DDHD1: variants seen among roughly 807,000 people sequenced by gnomAD.
The protein encoded by DDHD1 is phospholipase DDHD1.
Under a neutral mutation model 96.4 loss-of-function variants are expected in DDHD1, and 49 were observed. The ratio of observed to expected loss-of-function variants is 0.51; its 90% CI spans 0.40 to 0.64. The LOEUF is 0.64. Ranked by LOEUF, DDHD1 falls within the 30% of genes least tolerant of loss-of-function variation. DDHD1 has a pLI of 0.00. For synonymous variants in DDHD1, 442 were observed against 446.5 expected, an observed-to-expected ratio of 0.99 and a Z score of 0.13; for missense variants, 1,106 against 1,161.2, an observed-to-expected ratio of 0.95 and a Z score of 0.69.
chr14:53,042,956 A>C lies in DDHD1; in HGVS notation c.*3812T>G, dbSNP rs1196740400. 1 of 152,228 alleles carries C rather than the reference A, an allele frequency of 6.6e-6. No homozygotes were observed. Among genetic ancestry groups the C allele is most frequent in the African/African-American group, 2.4e-5 (1 of 41,454 alleles). The allele number at this position is 152,228 out of a possible 1,614,324, so 9.4% of individuals were successfully genotyped here. ...TGCCTTACTCATTAATTAGCTGAGA[A>C]GATAGAAATACCAATCTAATGGATC... is the stretch of plus-strand genomic sequence containing the variant. On this transcript the variant is annotated 3_prime_UTR_variant, in exon 13 of 13. Coordinates refer to ENST00000673822, the MANE Select transcript of DDHD1 (RefSeq NM_001160148.2).
chr14:53,048,957 C>T (rs1882288408), intron 12 of DDHD1: 1 of 152,086 alleles, frequency 6.6e-6, no homozygotes, highest in Non-Finnish European at 1.5e-5. Flanking sequence ...TTTCAAATGC[C>T]ACTTCATAAT....
intron 1 of DDHD1, among the ~76,000 whole-genome samples, chr14:53,112,771 C>T (rs1236490807): frequency 6.6e-6 from 1 of 152,104 alleles, no homozygotes; most frequent in African/African-American, 2.4e-5. Context: ...GTGGAGCCTA[C>T]ACATTCTTTA....
At chr14:53,129,823 T>C (rs1247846540) in intron 1 of DDHD1, among the ~76,000 whole-genome samples, 1 of 152,168 alleles carries the variant, frequency 6.6e-6, no homozygotes, top group Non-Finnish European at 1.5e-5. Flanking sequence ...ACAAACTTGA[T>C]AATGGCTCTA....
intron 1 of DDHD1, among the ~76,000 whole-genome samples, chr14:53,135,238 C>A (rs1890146285): frequency 6.6e-6 from 1 of 152,186 alleles, no homozygotes; most frequent in Admixed American, 6.5e-5. Flanking sequence ...CCATTGTGAT[C>A]TTTTCCTGCC....
At position 53,152,258 on chromosome 14, in the gene DDHD1, C is replaced by T. The variant is rs1891452625; in HGVS notation, c.838+3G>A. The T allele has an allele frequency of 6.3e-7, 1 of 1,596,510 alleles. No homozygotes were observed. Among genetic ancestry groups the T allele is most frequent in the African/African-American group, 1.3e-5 (1 of 74,700 alleles). ...CCTGCCCTAACCCCGGCCCGCTACT[C>T]ACGGTTCCAGTACACCGGGTAGCAC... On this transcript the variant is annotated splice_donor_region_variant and intron_variant, in intron 1 of 12. Coordinates refer to ENST00000673822, the MANE Select transcript of DDHD1 (RefSeq NM_001160148.2).
chr14:53,059,988 T>C (rs182039807), intron 8 of DDHD1, among the ~76,000 whole-genome samples: 1 of 152,028 alleles, frequency 6.6e-6, no homozygotes, highest in Admixed American at 6.5e-5. Context: ...TACCATATTG[T>C]TTTACAATGT....
intron 2 of DDHD1, among the ~76,000 whole-genome samples, chr14:53,096,756 T>C: frequency 1.3e-5 from 2 of 152,042 alleles, no homozygotes; most frequent in South Asian, 4.1e-4. Flanking sequence ...TTTTCTCAAC[T>C]CCATTCAAGT....
At chr14:53,099,936 GT>G (rs984785280) in intron 2 of DDHD1, among the ~76,000 whole-genome samples, 9 of 151,550 alleles carry the variant, frequency 5.9e-5, no homozygotes, top group Non-Finnish European at 1.0e-4. Flanking sequence ...AAATTTTCAT[GT>G]TTTTTTTAAT....
chr14:53,148,944 C>T (rs1183406728), intron 1 of DDHD1, among the ~76,000 whole-genome samples: 1 of 152,202 alleles, frequency 6.6e-6, no homozygotes, highest in Non-Finnish European at 1.5e-5. Context: ...GAAGTGAGTA[C>T]AAACAGGAAG....
chr14:53,103,602 G>A (rs1017984075), intron 2 of DDHD1, 81 bp downstream of exon 2: 4 of 1,158,034 alleles, frequency 3.5e-6, no homozygotes, highest in Non-Finnish European at 4.6e-6. Flanking sequence ...GAATTATTAT[G>A]TCAAATTTAC....
chr14:53,061,312 C>T, intron 7 of DDHD1, 111 bp from the exon 8 acceptor site: 2 of 753,310 alleles, frequency 2.7e-6, no homozygotes, highest in Non-Finnish European at 4.0e-6. Context: ...CACTATCCCT[C>T]ACATTAATCC....
chr14:53,138,670 T>C (rs187790798), intron 1 of DDHD1, among the ~76,000 whole-genome samples: 308 of 152,260 alleles, frequency 2.0e-3, no homozygotes, highest in Non-Finnish European at 3.5e-3. Context: ...ACTTGCTTAC[T>C]TAGGGGGAAG....
Position 53,041,771 on chromosome 14 carries a change from G to C in DDHD1, c.*4997C>G, listed in dbSNP as rs1463014018. ...TCCAGACCTGATAGGGTACTCTTAT[G>C]AGAGTCTGGAAGAAAGAAGGGACCA... On this transcript the variant is annotated 3_prime_UTR_variant, in exon 13 of 13. Transcript: ENST00000673822. 6.6e-6 allele frequency: 1 copy of C among 152,138 alleles called. No homozygotes were observed. Among genetic ancestry groups the C allele is most frequent in the African/African-American group, 2.4e-5 (1 of 41,432 alleles). The allele number at this position is 152,138 out of a possible 1,614,324, so 9.4% of individuals were successfully genotyped here. A position where few individuals can be genotyped will look rare whatever the true frequency, so the allele number is the denominator to read the frequency against.
chr14:53,084,353 T>A (rs1163048095), intron 4 of DDHD1, among the ~76,000 whole-genome samples: 2 of 152,124 alleles, frequency 1.3e-5, no homozygotes, highest in African/African-American at 4.8e-5. Context: ...CCTTTTTGGG[T>A]TAGGATTTCC....
At chr14:53,070,409 C>A (rs1024189868) in intron 6 of DDHD1, among the ~76,000 whole-genome samples, 3 of 152,158 alleles carry the variant, frequency 2.0e-5, no homozygotes, top group African/African-American at 7.2e-5. Context: ...TCATCCATAA[C>A]AAATCATTTC....
chr14:53,090,407 A>G (rs913046314), intron 4 of DDHD1, among the ~76,000 whole-genome samples: 1 of 152,214 alleles, frequency 6.6e-6, no homozygotes, highest in African/African-American at 2.4e-5. Flanking sequence ...TCATGCTACT[A>G]TGAAGACATA....
At chr14:53,106,825 T>C (rs1295634125) in intron 1 of DDHD1, among the ~76,000 whole-genome samples, 1 of 152,208 alleles carries the variant, frequency 6.6e-6, no homozygotes. Flanking sequence ...CCTTTTAATA[T>C]GTAAAATTTG....
chr14:53,109,961 T>C (rs937076697), intron 1 of DDHD1, among the ~76,000 whole-genome samples: 2 of 152,202 alleles, frequency 1.3e-5, no homozygotes, highest in African/African-American at 4.8e-5. Context: ...TTACTGGTGT[T>C]CAACCACAAA....
intron 6 of DDHD1, among the ~76,000 whole-genome samples, chr14:53,065,091 C>T (rs973823967): frequency 2.6e-5 from 4 of 152,134 alleles, no homozygotes; most frequent in African/African-American, 7.2e-5. Context: ...ATCAACTCAA[C>T]GAACCTCTTA....
Sources: gnomAD v4.1 joint callset for allele counts (sites outside exome capture counted in the v4.1 genomes callset) on GRCh38, gnomAD v4.1.1 for gene constraint, MANE v1.5 for transcripts, NCBI Gene and HGNC (gene_info 2026-07-23, HGNC 2026-07-21) for gene names.